PCDHA4: variants seen among roughly 807,000 people sequenced by gnomAD.
The protein encoded by PCDHA4 is protocadherin alpha 4, also known as protocadherin alpha-4.
Under a neutral mutation model 61.4 loss-of-function variants are expected in PCDHA4, and 49 were observed. The ratio of observed to expected loss-of-function variants is 0.80; its 90% confidence interval spans 0.63 to 1.01. PCDHA4 has a LOEUF of 1.01. Ranked by LOEUF, PCDHA4 falls within the 50% of genes least tolerant of loss-of-function variation. The pLI, the probability that PCDHA4 is intolerant of heterozygous loss-of-function variation, is 0.00. For missense variants in PCDHA4, 1,254 were observed against 1,235.8 expected, an observed-to-expected ratio of 1.01 and a Z score of -0.22; for synonymous variants, 590 against 550.3, an observed-to-expected ratio of 1.07 and a Z score of -1.01.
chr5:141,002,166 G>A (rs1212034616), intron 3 of PCDHA4, among the ~76,000 whole-genome samples: 1 of 152,234 alleles, frequency 6.6e-6, no homozygotes, highest in Non-Finnish European at 1.5e-5. Context: ...TGGGCGGTAG[G>A]CAGGCTCCAG....
chr5:140,822,458 T>G, intron 1 of PCDHA4: 1 of 1,613,786 alleles, frequency 6.2e-7, no homozygotes, highest in South Asian at 1.1e-5. Context: ...GTTCAGTTGT[T>G]GATCAATGTA....
intron 1 of PCDHA4, among the ~76,000 whole-genome samples, chr5:140,933,221 G>A (rs952837794): frequency 2.0e-5 from 3 of 151,758 alleles, no homozygotes; most frequent in Non-Finnish European, 4.4e-5. Flanking sequence ...CTGTTATATT[G>A]CATTTATGAA....
At chr5:140,810,339 G>A (rs1344162915) in intron 1 of PCDHA4, 5 of 152,044 alleles carry the variant, frequency 3.3e-5, no homozygotes, top group African/African-American at 4.8e-5. Context: ...TTTCTCTCAG[G>A]TTTTTGCCTA....
Position 140,823,178 on chromosome 5 carries a change from C to T in PCDHA4, c.2385+13606C>T, listed in dbSNP as rs2150123188. On this transcript the variant is annotated intron_variant, in intron 1 of 3. Transcript: ENST00000530339. ...ACCGTGTTCGTGAAGGAGAACAACC[C>T]GCCAGGCTGCCACATCTTCACGGTG... 4.3e-6 allele frequency: 7 copies of T among 1,613,746 alleles called. No homozygotes were observed. The East Asian group carries it at 8.9e-5, about 21-fold the overall frequency.
At chr5:140,928,790 GGGT>G in intron 1 of PCDHA4, 1 of 1,614,176 alleles carries the variant, frequency 6.2e-7, no homozygotes. Flanking sequence ...GTTAAGCAGA[GGGT>G]GGTGGTAGTG....
At position 140,809,367 on chromosome 5, in the gene PCDHA4, C is replaced by A. The variant is rs543555386; in HGVS notation, c.2180C>A (p.Pro727His). Residue 727 changes from proline to histidine, a missense_variant, in exon 1 of 4, where the codon CCC becomes CAC. Transcript: ENST00000530339. ...ACCGCGCTGCGGTGCTCTGCGCTGC[C>A]CACCGAGGGCGCGTGCGCTCCGGGC... ...LYTALRCSAL[P>H]TEGACAPGKP... The A allele has an allele frequency of 2.5e-6, 4 of 1,613,970 alleles. No homozygotes were observed.
intron 1 of PCDHA4, chr5:140,862,303 T>C (rs2047298994): frequency 3.6e-6 from 1 of 279,072 alleles, no homozygotes; most frequent in South Asian, 4.0e-5. Flanking sequence ...CTCCACTGGG[T>C]ACCGTCATAG....
chr5:140,892,573 A>G (rs1299586046), intron 1 of PCDHA4, among the ~76,000 whole-genome samples: 1 of 152,210 alleles, frequency 6.6e-6, no homozygotes, highest in Non-Finnish European at 1.5e-5. Context: ...TGTCAAAAGT[A>G]TATCTCAGTA....
chr5:140,944,058 G>A (rs185843356), intron 1 of PCDHA4, among the ~76,000 whole-genome samples: 116 of 152,248 alleles, frequency 7.6e-4, no homozygotes, highest in African/African-American at 2.7e-3. Flanking sequence ...ATACAAAAAG[G>A]TTTCTTGTTA....
intron 1 of PCDHA4, chr5:140,852,582 ATTT>A: frequency 7.2e-6 from 5 of 693,510 alleles, no homozygotes; most frequent in Non-Finnish European, 8.9e-6. Context: ...AGGCTTTTTT[ATTT>A]TTTTTTTTTG....
At chr5:140,911,614 G>C (rs1298073663) in intron 1 of PCDHA4, among the ~76,000 whole-genome samples, 1 of 152,152 alleles carries the variant, frequency 6.6e-6, no homozygotes, top group Non-Finnish European at 1.5e-5. Flanking sequence ...ATGTTCCTTA[G>C]TTCCCCACAT....
At chr5:140,898,961 G>A (rs1405112699) in intron 1 of PCDHA4, among the ~76,000 whole-genome samples, 1 of 152,036 alleles carries the variant, frequency 6.6e-6, no homozygotes, top group African/African-American at 2.4e-5. Flanking sequence ...AGTTGTGAAT[G>A]GGAGTTCACT....
chr5:140,915,665 G>A (rs1208319882), intron 1 of PCDHA4, among the ~76,000 whole-genome samples: 1 of 149,092 alleles, frequency 6.7e-6, no homozygotes, highest in African/African-American at 2.5e-5. Context: ...TCAAGGTGCT[G>A]GGCCATCTTG....
At chr5:140,929,503 G>A in intron 1 of PCDHA4, 1 of 886,378 alleles carries the variant, frequency 1.1e-6, no homozygotes, top group Non-Finnish European at 1.6e-6. Context: ...ATTGCCCTAG[G>A]CCTCAAGGGA....
intron 1 of PCDHA4, among the ~76,000 whole-genome samples, chr5:140,972,866 G>A (rs1010114234): frequency 6.6e-6 from 1 of 152,046 alleles, no homozygotes; most frequent in Non-Finnish European, 1.5e-5. Context: ...GTTTCATCAT[G>A]TTGTCCAGGA....
In PCDHA4 at chr5:140,830,639, G is replaced by A. The variant is rs1157735992; in HGVS notation, c.2385+21067G>A. The A allele has an allele frequency of 8.1e-6, 4 of 496,850 alleles. No homozygotes were observed. In the South Asian group the frequency reaches 1.8e-4, roughly 23 times the overall value. The allele number at this position is 496,850 out of a possible 1,614,324, so 30.8% of individuals were successfully genotyped here. A position where few individuals can be genotyped will look rare whatever the true frequency, so the allele number is the denominator to read the frequency against. ...TTGTGTTTCTTATTTTAATCTCTTT[G>A]CTTCTTTAATATTCATAATTTAAGT... On this transcript the variant is annotated intron_variant, in intron 1 of 3. Coordinates refer to ENST00000530339, the MANE Select transcript of PCDHA4 (RefSeq NM_018907.4).
In PCDHA4 at chr5:140,969,339, A is replaced by G. The variant is rs1563390643; in HGVS notation, c.2386-9610A>G. On this transcript the variant is annotated intron_variant, in intron 1 of 3. Transcript: ENST00000530339. ...GCTGTTTCTCAAAATGAGGTGAGAC[A>G]GTGGTCAGGGGGTCTTCTACAAACT... 5 of 1,613,830 alleles carry G rather than the reference A, an allele frequency of 3.1e-6. No homozygotes were observed. The South Asian group carries it at 4.4e-5, about 14-fold the overall frequency.
chr5:140,980,856 G>GT (rs2096908809), intron 2 of PCDHA4, among the ~76,000 whole-genome samples: 1 of 151,886 alleles, frequency 6.6e-6, no homozygotes, highest in Admixed American at 6.6e-5. Context: ...AATCTTTTTC[G>GT]TATGTGTGCT....
intron 1 of PCDHA4, chr5:140,869,327 T>C: frequency 6.2e-7 from 1 of 1,613,922 alleles, no homozygotes; most frequent in Non-Finnish European, 8.5e-7. Context: ...GGGGACCTTC[T>C]GGAGGTAAAT....
Sources: allele counts gnomAD v4.1 joint callset (sites outside exome capture counted in the v4.1 genomes callset), GRCh38; gene constraint gnomAD v4.1.1; transcripts MANE v1.5; gene names NCBI Gene and HGNC (gene_info 2026-07-23, HGNC 2026-07-21).